CELF1: variants seen among roughly 807,000 people sequenced by gnomAD.
The protein encoded by CELF1 is CUGBP Elav-like family member 1.
A neutral mutation model predicts 61.8 loss-of-function variants in CELF1; 10 were observed. The ratio of observed to expected loss-of-function variants is 0.16; its 90% CI spans 0.10 to 0.27. CELF1 has a LOEUF of 0.27. Ranked by LOEUF, CELF1 falls within the 10% of genes least tolerant of loss-of-function variation. The pLI, the probability that CELF1 is intolerant of heterozygous loss-of-function variation, is 1.00. For synonymous variants in CELF1, 236 were observed against 225.1 expected, an observed-to-expected ratio of 1.05 and a Z score of -0.43; for missense variants, 380 against 639.1, an observed-to-expected ratio of 0.59 and a Z score of 4.37.
chr11:47,469,666 G>A lies in CELF1; in HGVS notation c.*2564C>T, dbSNP rs1292383933. 6.6e-6 allele frequency: 1 copy of A among 152,422 alleles called. No homozygotes were observed. Among genetic ancestry groups the A allele is most frequent in the African/African-American group, 2.4e-5 (1 of 41,460 alleles). 9.4% of individuals were successfully genotyped at this position (152,422 alleles called of 1,614,324 possible). On this transcript the variant is annotated 3_prime_UTR_variant, in exon 15 of 15. Transcript: ENST00000687097. The stretch of plus-strand genomic sequence containing the variant: ...CACTGGGCAGGGGGAGGAGAGAACA[G>A]AGAAGTGCATGGTCTCACCAGCTGG...
At chr11:47,535,089 A>C (rs1441256620) in intron 1 of CELF1, among the ~76,000 whole-genome samples, 2 of 152,194 alleles carry the variant, frequency 1.3e-5, no homozygotes, top group African/African-American at 4.8e-5. Flanking sequence ...CAGACAAATG[A>C]ACATTAACAA....
At chr11:47,477,221 T>C (rs1260408577) in intron 11 of CELF1, 76 bp downstream of exon 11, 3 of 1,533,364 alleles carry the variant, frequency 2.0e-6, no homozygotes, top group East Asian at 2.3e-5. Context: ...CTATTTTCCC[T>C]CTCTGGACTC....
intron 2 of CELF1, among the ~76,000 whole-genome samples, chr11:47,559,357 G>A (rs1026876828): frequency 8.0e-5 from 12 of 150,154 alleles, no homozygotes; most frequent in African/African-American, 2.5e-4. Flanking sequence ...GAGCCACTTC[G>A]CCTGGCCTTT....
In CELF1 at chr11:47,483,513, A is replaced by G; in HGVS notation, c.546T>C (p.Phe182=). The G allele has an allele frequency of 6.2e-7, 1 of 1,613,958 alleles. No individual in the cohort carries two copies. The highest frequency in any genetic ancestry group is 1.3e-5 in the African/African-American group (1 of 75,034). Reference sequence around the variant, plus strand: ...CCGTCTGTGCCATGGCTCTTGTTGTAAAAGTCACAAATGCACAACCTGGTA... The same window carrying G: ...CCGTCTGTGCCATGGCTCTTGTTGTGAAAGTCACAAATGCACAACCTGGTA... The part of the protein sequence containing the change: ...GLSRGCAFVT[F]TTRAMAQTAI... The change falls in exon 8 of 15, where the codon TTT becomes TTC. Residue 182 remains phenylalanine, a synonymous_variant. Transcript: ENST00000687097.
chr11:47,512,452 ATTT>A (rs35542082), intron 1 of CELF1, among the ~76,000 whole-genome samples: 1,600 of 112,764 alleles, frequency 0.014, 28 homozygotes, highest in African/African-American at 0.049. Context: ...CGTGCCCAGA[ATTT>A]TTTTTTTTTT....
At chr11:47,539,525 G>A (rs986620242) in intron 1 of CELF1, among the ~76,000 whole-genome samples, 6 of 152,150 alleles carry the variant, frequency 3.9e-5, no homozygotes, top group Non-Finnish European at 8.8e-5. Context: ...ATGAATGGTG[G>A]CACACACCTG....
intron 1 of CELF1, among the ~76,000 whole-genome samples, chr11:47,533,225 G>A (rs150269450): frequency 0.014 from 2,134 of 152,184 alleles, 48 homozygotes; most frequent in African/African-American, 0.048. Flanking sequence ...AGTGACTCAC[G>A]CCTGTAATAC....
intron 1 of CELF1, among the ~76,000 whole-genome samples, chr11:47,530,146 G>A (rs2096415550): frequency 6.6e-6 from 1 of 152,138 alleles, no homozygotes; most frequent in South Asian, 2.1e-4. Context: ...AACTCAAAAT[G>A]TGACATATGT....
intron 1 of CELF1, among the ~76,000 whole-genome samples, chr11:47,552,379 T>G (rs980694121): frequency 2.0e-5 from 3 of 152,246 alleles, no homozygotes; most frequent in African/African-American, 7.2e-5. Context: ...CGCTTTAATG[T>G]GCTCCTCCCG....
chr11:47,515,877 T>C (rs997995627), intron 1 of CELF1, among the ~76,000 whole-genome samples: 7 of 152,178 alleles, frequency 4.6e-5, no homozygotes, highest in African/African-American at 1.7e-4. Flanking sequence ...ATGCCTTTTA[T>C]TGGGAAACTC....
chr11:47,506,912 A>T (rs2153580467), intron 1 of CELF1: 1 of 152,308 alleles, frequency 6.6e-6, no homozygotes, highest in Admixed American at 6.5e-5. Context: ...AAAACCAAGG[A>T]AAGAAAAATA....
At chr11:47,484,715 G>T (rs2085562063) in intron 6 of CELF1, among the ~76,000 whole-genome samples, 192 bp from the exon 7 acceptor site, 2 of 152,146 alleles carry the variant, frequency 1.3e-5, no homozygotes, top group African/African-American at 2.4e-5. Flanking sequence ...TTTCGCTCTT[G>T]TTGCCCAGGC....
chr11:47,512,255 C>T (rs528871686), intron 1 of CELF1, among the ~76,000 whole-genome samples: 7 of 152,150 alleles, frequency 4.6e-5, no homozygotes, highest in Middle Eastern at 3.4e-3. Flanking sequence ...CAGGTTCAAA[C>T]GATTCTCCTG....
intron 1 of CELF1, among the ~76,000 whole-genome samples, chr11:47,552,590 G>A (rs1253068947): frequency 1.3e-5 from 2 of 152,228 alleles, no homozygotes; most frequent in African/African-American, 4.8e-5. Flanking sequence ...GAGACGACAG[G>A]GGCAGAGATG....
At position 47,466,787 on chromosome 11, in the gene CELF1, C is replaced by T. The variant is rs2153323259; in HGVS notation, c.*5443G>A. 6.6e-6 allele frequency: 1 copy of T among 152,346 alleles called. No homozygotes were observed. The highest frequency in any genetic ancestry group is 6.5e-5 in the Admixed American group (1 of 15,304). The allele number at this position is 152,346 out of a possible 1,614,324, so 9.4% of individuals were successfully genotyped here. A position where few individuals can be genotyped will look rare whatever the true frequency, so the allele number is the denominator to read the frequency against. ...AAGCAAAATATATTGGCAAACACTGCTTCTCAATACACAGGAAGGGGAGCC... is the reference window on the plus strand; with the variant it reads ...AAGCAAAATATATTGGCAAACACTGTTTCTCAATACACAGGAAGGGGAGCC... On this transcript the variant is annotated 3_prime_UTR_variant, in exon 15 of 15. Coordinates refer to ENST00000687097, the MANE Select transcript of CELF1 (RefSeq NM_001376376.1).
At position 47,469,363 on chromosome 11, in the gene CELF1, C is replaced by A. The variant is rs899934764; in HGVS notation, c.*2867G>T. Reference sequence around the variant, plus strand: ...CTCTTAGCTTCCATCCAGGCCCTGGCCACTCAAGGGGAACCCAGGAGACAG... The same window carrying A: ...CTCTTAGCTTCCATCCAGGCCCTGGACACTCAAGGGGAACCCAGGAGACAG... On this transcript the variant is annotated 3_prime_UTR_variant, in exon 15 of 15. Transcript: ENST00000687097. The A allele has an allele frequency of 6.6e-6, 1 of 152,244 alleles. No individual in the cohort carries two copies. The highest frequency in any genetic ancestry group is 1.5e-5 in the Non-Finnish European group (1 of 68,050). 9.4% of individuals were successfully genotyped at this position (152,244 alleles called of 1,614,324 possible). A position where few individuals can be genotyped will look rare whatever the true frequency, so the allele number is the denominator to read the frequency against.
At chr11:47,496,638 A>T (rs1458417185) in intron 3 of CELF1, among the ~76,000 whole-genome samples, 1 of 152,162 alleles carries the variant, frequency 6.6e-6, no homozygotes, top group Non-Finnish European at 1.5e-5. Context: ...AGGCAACTAG[A>T]AAAAGTGCTA....
intron 1 of CELF1, among the ~76,000 whole-genome samples, chr11:47,543,390 T>C (rs1425238857): frequency 2.0e-5 from 3 of 152,092 alleles, no homozygotes; most frequent in African/African-American, 4.8e-5. Context: ...AGTGACACAA[T>C]GAGACCTTGT....
chr11:47,473,071 G>C lies in CELF1; in HGVS notation c.1417+17C>G, dbSNP rs767949480. 6 of 1,612,370 alleles carry C rather than the reference G, an allele frequency of 3.7e-6. No individual in the cohort carries two copies. The South Asian group carries it at 4.4e-5, about 12-fold the overall frequency. On this transcript the variant is annotated intron_variant, in intron 14 of 14. Coordinates refer to ENST00000687097, the MANE Select transcript of CELF1 (RefSeq NM_001376376.1). ...AAATACTAATCCCATCCTGACACCA[G>C]AGAGAAGCCAACATACCAAAACACT...
Sources: allele counts gnomAD v4.1 joint callset (sites outside exome capture counted in the v4.1 genomes callset), GRCh38; gene constraint gnomAD v4.1.1; transcripts MANE v1.5; gene names NCBI Gene and HGNC (gene_info 2026-07-23, HGNC 2026-07-21).